PTPRT: variants seen among roughly 807,000 people sequenced by gnomAD.
PTPRT encodes the protein protein tyrosine phosphatase receptor type T.
PTPRT carries 56 observed loss-of-function variants against 176.8 expected under a neutral mutation model. The observed-to-expected ratio is 0.32, with a 90% CI of 0.26 to 0.40. The LOEUF (loss-of-function observed/expected upper bound fraction) is 0.40. PTPRT is among the 10% of genes least tolerant of loss of function. PTPRT has a pLI of 1.00. For synonymous variants in PTPRT, 783 were observed against 739.0 expected, an observed-to-expected ratio of 1.06 and a Z score of -0.96; for missense variants, 1,540 against 1,908.2, an observed-to-expected ratio of 0.81 and a Z score of 3.60.
At chr20:43,088,355 T>A (rs552141051) in intron 1 of PTPRT, among the ~76,000 whole-genome samples, 7 of 150,478 alleles carry the variant, frequency 4.7e-5, no homozygotes, top group Admixed American at 6.6e-5. Context: ...TGTGTGTGTG[T>A]GTGTGTGTGT....
intron 16 of PTPRT, among the ~76,000 whole-genome samples, chr20:42,174,020 CA>C (rs1774093493): frequency 6.6e-6 from 1 of 151,982 alleles, no homozygotes; most frequent in Admixed American, 6.6e-5. Context: ...TATTGGTTGG[CA>C]AAGAATGGAT....
chr20:42,478,305 G>A (rs1052415274), intron 7 of PTPRT, among the ~76,000 whole-genome samples: 5 of 152,184 alleles, frequency 3.3e-5, no homozygotes, highest in African/African-American at 1.2e-4. Flanking sequence ...GTTCATGCAT[G>A]TGTGACTGAC....
rs141106758 is a variant in PTPRT, at chr20:42,791,727, G to A, written c.215-261C>T. Among the ~76,000 whole-genome samples, 539 of 152,338 alleles carry A rather than the reference G, an allele frequency of 3.5e-3. 3 individuals are homozygous for A. The highest frequency in any genetic ancestry group is 0.011 in the African/African-American group (462 of 41,584). On this transcript the variant is annotated intron_variant, in intron 2 of 30. Transcript: ENST00000373187. ...AACATGTATGAAGTATTTCTACAACGTGCTACTATTGCTATTTGCAGAAAA... is the reference window on the plus strand; with the variant it reads ...AACATGTATGAAGTATTTCTACAACATGCTACTATTGCTATTTGCAGAAAA...
chr20:42,732,400 C>T (rs116409119), intron 6 of PTPRT, among the ~76,000 whole-genome samples: 13 of 152,216 alleles, frequency 8.5e-5, no homozygotes, highest in Middle Eastern at 3.4e-3. Flanking sequence ...ATACTACTCA[C>T]GCAATAAATA....
chr20:42,340,971 GC>G (rs1397709272), intron 11 of PTPRT, among the ~76,000 whole-genome samples: 4 of 152,066 alleles, frequency 2.6e-5, no homozygotes, highest in Non-Finnish European at 2.9e-5. Context: ...TACTTGGACT[GC>G]CCCTCCATCC....
At chr20:42,940,860 T>A (rs1168913577) in intron 1 of PTPRT, among the ~76,000 whole-genome samples, 1 of 151,972 alleles carries the variant, frequency 6.6e-6, no homozygotes, top group African/African-American at 2.4e-5. Flanking sequence ...GGCAGGTGGA[T>A]CACAAGGTCA....
intron 6 of PTPRT, chr20:42,685,625 C>T (rs2075678796): frequency 1.3e-5 from 2 of 152,322 alleles, no homozygotes; most frequent in South Asian, 4.1e-4. Context: ...CTCTCCTTCA[C>T]TTTGCTGAAC....
At chr20:43,070,253 T>C (rs1051807409) in intron 1 of PTPRT, among the ~76,000 whole-genome samples, 1 of 152,060 alleles carries the variant, frequency 6.6e-6, no homozygotes, top group African/African-American at 2.4e-5. Flanking sequence ...TCCAAAGAAA[T>C]GCAAATCAAA....
At chr20:42,377,384 C>T (rs543632006) in intron 9 of PTPRT, among the ~76,000 whole-genome samples, 10 of 152,258 alleles carry the variant, frequency 6.6e-5, no homozygotes, top group East Asian at 5.8e-4. Context: ...GGGCAAACAC[C>T]GGTCATTGCC....
chr20:42,351,688 TCA>T (rs1254851880), intron 10 of PTPRT, among the ~76,000 whole-genome samples: 2 of 24,768 alleles, frequency 8.1e-5, no homozygotes, highest in African/African-American at 2.3e-4. Flanking sequence ...TAATAGTAAT[TCA>T]TTCATTCATT....
chr20:42,504,025 C>T (rs540010389), intron 7 of PTPRT, among the ~76,000 whole-genome samples: 1 of 152,136 alleles, frequency 6.6e-6, no homozygotes, highest in African/African-American at 2.4e-5. Context: ...TTTGTTTTTT[C>T]CTTTTCAGCC....
intron 3 of PTPRT, among the ~76,000 whole-genome samples, chr20:42,783,644 G>A (rs764461928): frequency 6.6e-6 from 1 of 152,124 alleles, no homozygotes; most frequent in Non-Finnish European, 1.5e-5. Context: ...GACACCACAA[G>A]GGGACAAGGT....
At chr20:42,396,936 A>G (rs1472476301) in intron 9 of PTPRT, among the ~76,000 whole-genome samples, 1 of 152,214 alleles carries the variant, frequency 6.6e-6, no homozygotes, top group Non-Finnish European at 1.5e-5. Context: ...TCTCTGTTCA[A>G]ATGCCACCTT....
At chr20:42,787,643 A>G (rs1457491170) in intron 3 of PTPRT, among the ~76,000 whole-genome samples, 2 of 152,214 alleles carry the variant, frequency 1.3e-5, no homozygotes, top group Non-Finnish European at 2.9e-5. Context: ...GCAAGATCTG[A>G]TCCCCTTGTT....
chr20:42,231,078 C>G (rs2056124808), intron 15 of PTPRT, among the ~76,000 whole-genome samples: 1 of 152,192 alleles, frequency 6.6e-6, no homozygotes, highest in Non-Finnish European at 1.5e-5. Context: ...GTGGCCAATC[C>G]CCAGGACAGC....
At chr20:42,130,112 C>T (rs1422746987) in intron 18 of PTPRT, among the ~76,000 whole-genome samples, 1 of 152,152 alleles carries the variant, frequency 6.6e-6, no homozygotes, top group Non-Finnish European at 1.5e-5. Context: ...TGAGTTCGGT[C>T]GCTCCTGTTT....
chr20:42,210,632 A>C (rs1183710710), intron 15 of PTPRT, among the ~76,000 whole-genome samples: 1 of 150,340 alleles, frequency 6.7e-6, no homozygotes, highest in Non-Finnish European at 1.5e-5. Flanking sequence ...ACCACTGCTC[A>C]AGGAAATAAA....
At chr20:42,183,129 T>C (rs1029743063) in intron 16 of PTPRT, among the ~76,000 whole-genome samples, 24 of 152,282 alleles carry the variant, frequency 1.6e-4, no homozygotes, top group African/African-American at 4.8e-4. Flanking sequence ...AAAATCTATG[T>C]TAGCTCCTTG....
intron 9 of PTPRT, among the ~76,000 whole-genome samples, chr20:42,401,042 C>T (rs1466402544): frequency 6.6e-6 from 1 of 151,764 alleles, no homozygotes; most frequent in East Asian, 1.9e-4. Flanking sequence ...ACTTTTTAAC[C>T]AGGACAGGAA....
Sources: allele counts gnomAD v4.1 joint callset (sites outside exome capture counted in the v4.1 genomes callset), GRCh38; gene constraint gnomAD v4.1.1; transcripts MANE v1.5; gene names NCBI Gene and HGNC (gene_info 2026-07-23, HGNC 2026-07-21).